The following APBA2 variants were observed in gnomAD, a reference collection of about 807,000 sequenced individuals.
APBA2 encodes amyloid beta precursor protein binding family A member 2, also known as amyloid-beta A4 precursor protein-binding family A member 2.
Under a neutral mutation model 75.0 loss-of-function variants are expected in APBA2, and 30 were observed. The observed-to-expected ratio is 0.40, with a 90% CI of 0.30 to 0.54. The LOEUF (loss-of-function observed/expected upper bound fraction) is 0.54, where lower values mean the gene tolerates loss of function less well. Among genes scored for constraint, APBA2 ranks in the 20% least tolerant of loss-of-function variants. The pLI is 0.49. For missense variants in APBA2, 801 were observed against 1,016.1 expected (o/e 0.79, Z 2.88); for synonymous variants, 444 against 409.6 (o/e 1.08, Z -1.01).
At chr15:28,916,414 C>T (rs2033693327) in intron 1 of APBA2, among the ~76,000 whole-genome samples, 1 of 152,232 alleles carries the variant, frequency 6.6e-6, no homozygotes, top group African/African-American at 2.4e-5. Context: ...GATTATATTG[C>T]TGCTGAATAT....
intron 9 of APBA2, among the ~76,000 whole-genome samples, chr15:29,100,761 C>T (rs559184222): frequency 2.0e-5 from 3 of 152,320 alleles, no homozygotes; most frequent in Middle Eastern, 3.4e-3. Flanking sequence ...GAGAGCACCT[C>T]GTTCAGAAGG....
chr15:28,927,449 C>T (rs918091506), intron 2 of APBA2, among the ~76,000 whole-genome samples: 2 of 151,910 alleles, frequency 1.3e-5, no homozygotes, highest in South Asian at 2.1e-4. Flanking sequence ...TTTTGGCCAT[C>T]ATTACCTCAA....
intron 2 of APBA2, among the ~76,000 whole-genome samples, chr15:28,959,902 G>A (rs1324891498): frequency 2.0e-5 from 3 of 152,072 alleles, no homozygotes; most frequent in South Asian, 2.1e-4. Flanking sequence ...CCAGCACTTC[G>A]GGAGGCCGAG....
chr15:28,991,244 G>A lies in APBA2; in HGVS notation c.-94-4509G>A, dbSNP rs1023208954. Among the ~76,000 whole-genome samples, 3 of 152,296 alleles carry A rather than the reference G, an allele frequency of 2.0e-5. No individual in the cohort carries two copies. Among genetic ancestry groups the A allele is most frequent in the African/African-American group, 7.2e-5 (3 of 41,562 alleles). The stretch of plus-strand genomic sequence containing the variant: ...AACAGACAACTCCCTAAGCCCCACA[G>A]TAAAAACGTCTCTCCTGGTCTGGGG... On this transcript the variant is annotated intron_variant, in intron 2 of 14. Transcript: ENST00000683413. This position sits in a 1 kb window ranked among gnomAD's most constrained non-coding sequence, Gnocchi z 4.7.
chr15:28,951,459 C>T lies in APBA2; in HGVS notation c.-95+29710C>T, dbSNP rs531354489. ...TTATTGAAGAATGGTATCTAGAAAC[C>T]AAGGTCTGGAGACAGGGTTCTTCTT... On this transcript the variant is annotated intron_variant, in intron 2 of 14. Coordinates refer to ENST00000683413, the MANE Select transcript of APBA2 (RefSeq NM_001353788.2). 2.6e-5 allele frequency among the ~76,000 whole-genome samples: 4 copies of T among 152,336 alleles called. No individual in the cohort carries two copies. In the South Asian group the frequency reaches 8.3e-4, roughly 32 times the overall value.
At chr15:28,915,756 C>T (rs1471406898) in intron 1 of APBA2, among the ~76,000 whole-genome samples, 3 of 150,520 alleles carry the variant, frequency 2.0e-5, no homozygotes, top group Admixed American at 6.6e-5. Flanking sequence ...ACACTCAACT[C>T]TTCCACACTA....
intron 1 of APBA2, among the ~76,000 whole-genome samples, chr15:28,914,818 G>A (rs1268345020): frequency 6.6e-6 from 1 of 151,908 alleles, no homozygotes; most frequent in Admixed American, 6.6e-5. Flanking sequence ...TGGGGGCCTG[G>A]CCACTCGCCA....
chr15:29,039,268 TA>T (rs1395314827), intron 3 of APBA2, among the ~76,000 whole-genome samples: 1 of 150,712 alleles, frequency 6.6e-6, no homozygotes, highest in Non-Finnish European at 1.5e-5. Context: ...AAGAAGGTCG[TA>T]TCTTATTACC....
In APBA2 at chr15:28,896,530, C is replaced by T. The variant is rs575426286; in HGVS notation, c.-205+10252C>T. On this transcript the variant is annotated intron_variant, in intron 1 of 14. Coordinates refer to ENST00000683413, the MANE Select transcript of APBA2 (RefSeq NM_001353788.2). Reference sequence around the variant, plus strand: ...TGCTGACCTCATGATTCGCCCACATCGGCCTCCCAAAGTGCTGGGATTACA... The same window carrying T: ...TGCTGACCTCATGATTCGCCCACATTGGCCTCCCAAAGTGCTGGGATTACA... Among the ~76,000 whole-genome samples, 20 of 152,324 alleles carry T rather than the reference C, an allele frequency of 1.3e-4. No individual in the cohort carries two copies. In the East Asian group the frequency reaches 2.7e-3, roughly 21 times the overall value.
chr15:28,928,466 T>C (rs2034394860), intron 2 of APBA2, among the ~76,000 whole-genome samples: 1 of 152,188 alleles, frequency 6.6e-6, no homozygotes, highest in East Asian at 1.9e-4. Context: ...TTGGTGTAGT[T>C]GTAGGGTGTG....
At chr15:29,088,682 G>A (rs2043407538) in intron 6 of APBA2, among the ~76,000 whole-genome samples, 1 of 152,128 alleles carries the variant, frequency 6.6e-6, no homozygotes, top group Non-Finnish European at 1.5e-5. Context: ...CCTCTCTGCT[G>A]CCTGCCCCTC....
intron 2 of APBA2, among the ~76,000 whole-genome samples, chr15:28,952,284 C>G (rs2035930756): frequency 6.6e-6 from 1 of 152,064 alleles, no homozygotes; most frequent in Admixed American, 6.6e-5. Context: ...AGAGGAATGA[C>G]TTTGAGAGCC....
At chr15:29,036,879 G>A (rs1046759714) in intron 3 of APBA2, among the ~76,000 whole-genome samples, 4 of 152,014 alleles carry the variant, frequency 2.6e-5, no homozygotes, top group South Asian at 2.1e-4. Flanking sequence ...AATTAGCCAG[G>A]CAAGGTGGTG....
rs2033662435 is a variant in APBA2, at chr15:28,915,764, C to G, written c.-204-5876C>G. ...AACACACACACTCAACTCTTCCACA[C>G]TACATTACACTCCACACACACACCA... On this transcript the variant is annotated intron_variant, in intron 1 of 14. Coordinates refer to ENST00000683413, the MANE Select transcript of APBA2 (RefSeq NM_001353788.2). 3.3e-5 allele frequency among the ~76,000 whole-genome samples: 5 copies of G among 149,842 alleles called. No individual in the cohort carries two copies. In the South Asian group the frequency reaches 1.1e-3, roughly 32 times the overall value.
At chr15:29,020,223 A>G (rs187288078) in intron 3 of APBA2, among the ~76,000 whole-genome samples, 215 of 151,386 alleles carry the variant, frequency 1.4e-3, no homozygotes, top group Non-Finnish European at 2.1e-3. Context: ...CTGGATGCTC[A>G]TTCTTTGATA....
In APBA2 at chr15:28,908,315, G is replaced by GTTTTTTTTTTTTTTTTTTTTTTTTT. The variant is rs765084356; in HGVS notation, c.-204-13312_-204-13311insTTTTTTTTTTTTTTTTTTTTTTTTT. On this transcript the variant is annotated intron_variant, in intron 1 of 14. Transcript: ENST00000683413. The stretch of plus-strand genomic sequence containing the variant: ...TTGTTTTTGTTTGTTTTGTTTTCTT[G>GTTTTTTTTTTTTTTTTTTTTTTTTT]TTTTTTTTTTTTTGAGACAGAGTCT... 9.4e-5 allele frequency among the ~76,000 whole-genome samples: 13 copies of GTTTTTTTTTTTTTTTTTTTTTTTTT among 137,590 alleles called. 1 individual carries two copies. The highest frequency in any genetic ancestry group is 3.9e-4 in the African/African-American group (13 of 33,178). The allele number at this position is 137,590 out of a possible 152,430, so 90.3% of individuals were successfully genotyped here.
chr15:28,896,271 T>TTCTTC lies in APBA2; in HGVS notation c.-205+10013_-205+10017dup, dbSNP rs565525468. On this transcript the variant is annotated intron_variant, in intron 1 of 14. Transcript: ENST00000683413. Reference sequence around the variant, plus strand: ...CGTCAACTGATGTCCCAAACCCACTTTCTTCTCTTCTCTTCTCTTCTCTTT... The same window carrying TTCTTC: ...CGTCAACTGATGTCCCAAACCCACTTTCTTCTCTTCTCTTCTCTTCTCTTCTCTTT... Among the ~76,000 whole-genome samples the TTCTTC allele has an allele frequency of 1.9e-3, 292 of 152,134 alleles. 2 individuals are homozygous for TTCTTC. Among genetic ancestry groups the TTCTTC allele is most frequent in the Non-Finnish European group, 1.3e-3 (86 of 68,006 alleles).
At chr15:29,107,881 C>T (rs1209168756) in intron 12 of APBA2, among the ~76,000 whole-genome samples, 11 of 152,188 alleles carry the variant, frequency 7.2e-5, no homozygotes, top group Non-Finnish European at 1.6e-4. Context: ...CACATCCTTC[C>T]GTAGGAAGCT....
chr15:29,001,674 A>G (rs1008236608), intron 3 of APBA2, among the ~76,000 whole-genome samples: 4 of 152,244 alleles, frequency 2.6e-5, no homozygotes, highest in African/African-American at 9.6e-5. Context: ...CAAAGAGAGG[A>G]CAAGGAGCTG....
Sources: allele counts gnomAD v4.1 joint callset (sites outside exome capture counted in the v4.1 genomes callset), GRCh38; gene constraint gnomAD v4.1.1; non-coding constraint Gnocchi (gnomAD v3.1); transcripts MANE v1.5; gene names NCBI Gene and HGNC (gene_info 2026-07-23, HGNC 2026-07-21).